CFD: variants seen among roughly 807,000 people sequenced by gnomAD.
CFD encodes the protein C3 convertase activator.
Under a neutral mutation model 21.1 loss-of-function variants are expected in CFD, and 24 were observed. The observed-to-expected ratio is 1.14, with a 90% CI of 0.82 to 1.60. The LOEUF is 1.60. Among genes scored for constraint, CFD ranks in the 40% most tolerant of loss-of-function variants. The pLI is 0.00. For synonymous variants in CFD, 242 were observed against 175.9 expected (o/e 1.38, Z -2.97); for missense variants, 535 against 383.3 (o/e 1.40, Z -3.31).
chr19:862,228 G>C (rs1391383471), intron 4 of CFD, among the ~76,000 whole-genome samples: 1 of 136,598 alleles, frequency 7.3e-6, no homozygotes, highest in Non-Finnish European at 1.7e-5. Flanking sequence ...AGAAGGGTCA[G>C]GGCGGGCAGA....
In CFD at chr19:863,130, C is replaced by G. The variant is rs1336889613; in HGVS notation, c.654C>G (p.Leu218=). Residue 218 remains leucine, a synonymous_variant, in exon 5 of 5, where the codon CTC becomes CTG. Transcript: ENST00000327726. The stretch of plus-strand genomic sequence containing the variant: ...GCCCGCTGGTGTGCGGGGGCGTGCT[C>G]GAGGGCGTGGTCACCTCGGGCTCGC... ...SGGPLVCGGV[L]EGVVTSGSRV... 1 of 1,532,404 alleles carries G rather than the reference C, an allele frequency of 6.5e-7. No individual in the cohort carries two copies. The highest frequency in any genetic ancestry group is 2.5e-5 in the East Asian group (1 of 40,756). 94.9% of individuals were successfully genotyped at this position (1,532,404 alleles called of 1,614,324 possible).
In CFD at chr19:863,211, G is replaced by A. The variant is rs550242478; in HGVS notation, c.735G>A (p.Ala245=). 23 of 1,543,322 alleles carry A rather than the reference G, an allele frequency of 1.5e-5. No individual in the cohort carries two copies. The African/African-American group carries it at 2.8e-4, about 19-fold the overall frequency. The change falls in exon 5 of 5, where the codon GCG becomes GCA. Residue 245 remains alanine, a synonymous_variant. Transcript: ENST00000327726. ...TCTACACCCGCGTGGCGAGCTATGC[G>A]GCCTGGATCGACAGCGTCCTGGCCT... ...PGIYTRVASY[A]AWIDSVLA is the part of the protein sequence containing the mutation.
In CFD at chr19:861,913, A is replaced by G. The variant is rs745950679; in HGVS notation, c.572A>G (p.Glu191Gly). The G allele has an allele frequency of 4.6e-5, 72 of 1,573,250 alleles. No homozygotes were observed. The highest frequency in any genetic ancestry group is 3.4e-4 in the Middle Eastern group (2 of 5,960). Residue 191 changes from glutamate (E) to glycine (G), a missense_variant, in exon 4 of 5, where the codon GAG (glutamate) becomes GGG (glycine). Coordinates refer to ENST00000327726, the MANE Select transcript of CFD (RefSeq NM_001928.4). ...ACGCACCACGACGGCGCCATCACCG[A>G]GCGCTTGATGTGCGCGGAGAGCAAT... ...RRTHHDGAIT[E>G]RLMCAESNRR... is the part of the protein sequence containing the mutation.
intron 2 of CFD, 41 bp downstream of exon 2, chr19:860,814 T>C (rs1167654076): frequency 6.4e-7 from 1 of 1,555,776 alleles, no homozygotes; most frequent in Admixed American, 1.9e-5. Context: ...CCGGGTGCGG[T>C]GGGGGGAGTC....
chr19:861,915 C>G lies in CFD; in HGVS notation c.574C>G (p.Arg192Gly). The part of the protein sequence containing the change: ...RTHHDGAITE[R>G]LMCAESNRRD... ...GCACCACGACGGCGCCATCACCGAG[C>G]GCTTGATGTGCGCGGAGAGCAATCG... Residue 192 changes from arginine to glycine, a missense_variant, in exon 4 of 5, where the codon CGC becomes GGC. Coordinates refer to ENST00000327726, the MANE Select transcript of CFD (RefSeq NM_001928.4). The G allele has an allele frequency of 6.4e-7, 1 of 1,571,904 alleles. No individual in the cohort carries two copies. Among genetic ancestry groups the G allele is most frequent in the South Asian group, 1.1e-5 (1 of 87,666 alleles).
At position 863,076 on chromosome 19, in the gene CFD, C is replaced by A; in HGVS notation, c.616-16C>A. The A allele has an allele frequency of 6.6e-7, 1 of 1,514,452 alleles. No individual in the cohort carries two copies. Among genetic ancestry groups the A allele is most frequent in the Middle Eastern group, 2.1e-4 (1 of 4,808 alleles). 93.8% of individuals were successfully genotyped at this position (1,514,452 alleles called of 1,614,324 possible). ...GGGCGCGGGCCGCCCCTCACGGCCC[C>A]GTCCTGTTCCGGCAGGGTGACTCCG... On this transcript the variant is annotated splice_polypyrimidine_tract_variant and intron_variant, in intron 4 of 4. Transcript: ENST00000327726.
chr19:861,406 C>T (rs1235488362), intron 3 of CFD, among the ~76,000 whole-genome samples: 1 of 124,318 alleles, frequency 8.0e-6, no homozygotes, highest in Non-Finnish European at 1.8e-5. Context: ...ACCCTCACCC[C>T]GGGTCTAGCC....
Position 863,283 on chromosome 19 carries a change from C to A in CFD, c.*45C>A, listed in dbSNP as rs755207994. 1.8e-5 allele frequency: 28 copies of A among 1,542,164 alleles called. No individual in the cohort carries two copies. The highest frequency in any genetic ancestry group is 2.3e-5 in the Non-Finnish European group (26 of 1,149,912). On this transcript the variant is annotated 3_prime_UTR_variant, in exon 5 of 5. Coordinates refer to ENST00000327726, the MANE Select transcript of CFD (RefSeq NM_001928.4). ...CAGGGTCACCCAAGCAACAAAGTCC[C>A]GAGCAATGAAGTCATCCACTCCTGC...
In CFD at chr19:860,812, G is replaced by A. The variant is rs1367586986; in HGVS notation, c.212+39G>A. Reference sequence around the variant, plus strand: ...CCGCGCGGGGGAAGAGCCCGGGTGCGGTGGGGGGAGTCGGCTGGCACCGAC... The same window carrying A: ...CCGCGCGGGGGAAGAGCCCGGGTGCAGTGGGGGGAGTCGGCTGGCACCGAC... On this transcript the variant is annotated intron_variant, in intron 2 of 4. Transcript: ENST00000327726. 7.7e-6 allele frequency: 12 copies of A among 1,555,964 alleles called. No homozygotes were observed. In the South Asian group the frequency reaches 1.2e-4, roughly 15 times the overall value.
chr19:860,797 G>A (rs951005725), intron 2 of CFD, 24 bp downstream of exon 2: 4 of 1,558,482 alleles, frequency 2.6e-6, no homozygotes, highest in African/African-American at 2.7e-5. Flanking sequence ...CCGCGCGGGG[G>A]AAGAGCCCGG....
intron 3 of CFD, among the ~76,000 whole-genome samples, chr19:861,235 C>T (rs999419032): frequency 3.5e-5 from 4 of 115,612 alleles, no homozygotes; most frequent in Non-Finnish European, 5.6e-5. Context: ...TCGAACTCTC[C>T]TGCTGCATGG....
intron 4 of CFD, among the ~76,000 whole-genome samples, chr19:862,505 G>T (rs1457366268): frequency 6.8e-6 from 1 of 146,122 alleles, no homozygotes; most frequent in African/African-American, 2.5e-5. Context: ...GGAAGGGGCG[G>T]GGCATGGGGA....
At chr19:861,520 C>G (rs568013286) in intron 3 of CFD, among the ~76,000 whole-genome samples, 179 bp from the exon 4 acceptor site, 1 of 145,714 alleles carries the variant, frequency 6.9e-6, no homozygotes, top group Admixed American at 6.9e-5. Flanking sequence ...GAGCCTCGCA[C>G]CCACCCCATC....
chr19:860,079 C>G (rs1428588962), intron 1 of CFD, among the ~76,000 whole-genome samples: 1 of 152,106 alleles, frequency 6.6e-6, no homozygotes, highest in Non-Finnish European at 1.5e-5. Context: ...GCGCTGGGAT[C>G]TGCCCCCGGT....
Position 861,826 on chromosome 19 carries a change from G to C in CFD, c.485G>C (p.Arg162Pro), listed in dbSNP as rs553772531. ...GWGIVNHAGRRPDSLQHVLLP... is the reference protein window; with the variant it reads ...GWGIVNHAGRPPDSLQHVLLP... ...GGCATAGTCAACCACGCGGGCCGCC[G>C]CCCGGACAGCCTGCAGCACGTGCTC... Residue 162 changes from arginine to proline, a missense_variant, in exon 4 of 5, where the codon CGC (arginine) becomes CCC (proline). Arg to Pro is a moderately radical substitution (Grantham distance 103, BLOSUM62 -2). Coordinates refer to ENST00000327726, the MANE Select transcript of CFD (RefSeq NM_001928.4). 1.9e-6 allele frequency: 3 copies of C among 1,601,458 alleles called. No homozygotes were observed. The African/African-American group carries it at 4.0e-5, about 21-fold the overall frequency.
rs1269237430 is a variant in CFD at position 860,926 on chromosome 19, G to A, written c.278G>A (p.Arg93His). 4 of 1,600,322 alleles carry A rather than the reference G, an allele frequency of 2.5e-6. No homozygotes were observed. Among genetic ancestry groups the A allele is most frequent in the Non-Finnish European group, 3.4e-6 (4 of 1,178,760 alleles). The change falls in exon 3 of 5, where the codon CGC (arginine) becomes CAC (histidine). Residue 93 changes from arginine (R) to histidine (H), a missense_variant. Physicochemically the swap from Arg to His is conservative, Grantham distance 29 (BLOSUM62 0). Transcript: ENST00000327726. ...CTGTCGCAGCCGGAGCCCTCCAAGCGCCTGTACGACGTGCTCCGCGCAGTG... is the reference window on the plus strand; with the variant it reads ...CTGTCGCAGCCGGAGCCCTCCAAGCACCTGTACGACGTGCTCCGCGCAGTG... ...HSLSQPEPSKRLYDVLRAVPH... is the reference protein window; with the variant it reads ...HSLSQPEPSKHLYDVLRAVPH...
chr19:863,088 G>T lies in CFD; in HGVS notation c.616-4G>T, dbSNP rs1193532749. 3.3e-6 allele frequency: 5 copies of T among 1,520,944 alleles called. No homozygotes were observed. Among genetic ancestry groups the T allele is most frequent in the South Asian group, 2.4e-5 (2 of 83,524 alleles). The allele number at this position is 1,520,944 out of a possible 1,614,324, so 94.2% of individuals were successfully genotyped here. The stretch of plus-strand genomic sequence containing the variant: ...CCCCTCACGGCCCCGTCCTGTTCCG[G>T]CAGGGTGACTCCGGGGGCCCGCTGG... On this transcript the variant is annotated splice_region_variant and splice_polypyrimidine_tract_variant and intron_variant, in intron 4 of 4. Coordinates refer to ENST00000327726, the MANE Select transcript of CFD (RefSeq NM_001928.4).
At position 861,051 on chromosome 19, in the gene CFD, G is replaced by A. The variant is rs754703640; in HGVS notation, c.357+46G>A. On this transcript the variant is annotated intron_variant, in intron 3 of 4. Coordinates refer to ENST00000327726, the MANE Select transcript of CFD (RefSeq NM_001928.4). ...TCCCTCCTGCGGCGCTGGGATCCCC[G>A]GCCCACCCTCACTCCACCCCGCCTA... 7.6e-6 allele frequency: 12 copies of A among 1,577,798 alleles called. No individual in the cohort carries two copies. In the African/African-American group the frequency reaches 1.2e-4, roughly 16 times the overall value.
In CFD at chr19:860,972, C is replaced by A; in HGVS notation, c.324C>A (p.Pro108=). 6.3e-7 allele frequency: 1 copy of A among 1,599,628 alleles called. No individual in the cohort carries two copies. The highest frequency in any genetic ancestry group is 8.5e-7 in the Non-Finnish European group (1 of 1,179,522). Residue 108 remains proline, a synonymous_variant, in exon 3 of 5, where the codon CCC becomes CCA. Coordinates refer to ENST00000327726, the MANE Select transcript of CFD (RefSeq NM_001928.4). ...CAGTGCCCCACCCGGACAGCCAGCC[C>A]GACACCATCGACCACGACCTCCTGC... is the stretch of plus-strand genomic sequence containing the variant. ...LRAVPHPDSQ[P]DTIDHDLLLL... is the part of the protein sequence containing the mutation.
Sources: allele counts gnomAD v4.1 joint callset (sites outside exome capture counted in the v4.1 genomes callset), GRCh38; gene constraint gnomAD v4.1.1; transcripts MANE v1.5; gene names NCBI Gene and HGNC (gene_info 2026-07-23, HGNC 2026-07-21).